Variants in PIP5K1B observed in about 807,000 individuals in gnomAD.
PIP5K1B encodes the protein phosphatidylinositol-4-phosphate 5-kinase type 1 beta.
PIP5K1B carries 42 observed loss-of-function variants against 67.0 expected under a neutral mutation model. That is an observed-to-expected ratio of 0.63 (90% CI 0.49 to 0.81). The LOEUF (loss-of-function observed/expected upper bound fraction) is 0.81. PIP5K1B is among the 30% of genes least tolerant of loss of function. PIP5K1B has a pLI of 0.00. For missense variants in PIP5K1B, 459 were observed against 646.3 expected, an observed-to-expected ratio of 0.71 and a Z score of 3.14; for synonymous variants, 214 against 231.4, an observed-to-expected ratio of 0.92 and a Z score of 0.68.
At chr9:68,965,092 C>A (rs149437062) in intron 14 of PIP5K1B, among the ~76,000 whole-genome samples, 1 of 152,194 alleles carries the variant, frequency 6.6e-6, no homozygotes, top group Non-Finnish European at 1.5e-5. Context: ...TAGAAGCTTT[C>A]GAATTAGAAT....
intron 14 of PIP5K1B, among the ~76,000 whole-genome samples, chr9:68,966,021 G>A (rs1175125050): frequency 6.6e-6 from 1 of 151,528 alleles, no homozygotes; most frequent in Non-Finnish European, 1.5e-5. Context: ...ACAAAACAGT[G>A]GGGGTGTGTC....
intron 4 of PIP5K1B, among the ~76,000 whole-genome samples, chr9:68,861,103 A>G (rs1823041776): frequency 1.3e-5 from 2 of 152,238 alleles, no homozygotes; most frequent in South Asian, 2.1e-4. Context: ...TTAGTTGGTC[A>G]AAAAAGATTA....
chr9:68,820,126 A>G (rs992990257), intron 3 of PIP5K1B, among the ~76,000 whole-genome samples: 2 of 152,170 alleles, frequency 1.3e-5, no homozygotes, highest in African/African-American at 4.8e-5. Context: ...AAAGCTGCAA[A>G]GTCTTAAAAG....
chr9:68,981,906 C>G (rs1829897815), intron 14 of PIP5K1B, among the ~76,000 whole-genome samples: 1 of 152,236 alleles, frequency 6.6e-6, no homozygotes, highest in African/African-American at 2.4e-5. Flanking sequence ...CTGTACTGCT[C>G]TCACCTGTGA....
chr9:68,742,465 T>C (rs936620220), intron 1 of PIP5K1B, 36 bp from the exon 2 acceptor site: 21 of 152,172 alleles, frequency 1.4e-4, no homozygotes, highest in African/African-American at 4.3e-4. Context: ...TTCACCATGA[T>C]TGTTTGAGGT....
Position 68,745,364 on chromosome 9 carries a change from G to T in PIP5K1B, c.-86+2707G>T, listed in dbSNP as rs114926107. 6.3e-3 allele frequency among the ~76,000 whole-genome samples: 952 copies of T among 152,306 alleles called. 10 individuals carry two copies. The highest frequency in any genetic ancestry group is 0.022 in the African/African-American group (926 of 41,548). The stretch of plus-strand genomic sequence containing the variant: ...ACTTGTAGCCACACCGTAGGTAAGA[G>T]GTTTAAGACCAGTGAAAAAGGTTTT... On this transcript the variant is annotated intron_variant, in intron 2 of 15. Transcript: ENST00000265382.
chr9:68,722,024 T>C (rs1039893323), intron 1 of PIP5K1B, among the ~76,000 whole-genome samples: 8 of 152,086 alleles, frequency 5.3e-5, no homozygotes, highest in Non-Finnish European at 8.8e-5. Flanking sequence ...TAGAAGTGAT[T>C]TCTCAGGCAC....
At chr9:68,891,446 T>C (rs75278381) in intron 7 of PIP5K1B, among the ~76,000 whole-genome samples, 2,119 of 151,950 alleles carry the variant, frequency 0.014, 24 homozygotes, top group Non-Finnish European at 0.02. Context: ...AGGGGAGTTT[T>C]TTTTTTTTTA....
chr9:68,940,386 G>A (rs1416791203), intron 13 of PIP5K1B, among the ~76,000 whole-genome samples: 1 of 151,966 alleles, frequency 6.6e-6, no homozygotes, highest in East Asian at 1.9e-4. Context: ...CACTTTATTA[G>A]GTTTTTAAAA....
chr9:68,904,216 G>C (rs780833572), intron 8 of PIP5K1B, among the ~76,000 whole-genome samples: 1 of 152,222 alleles, frequency 6.6e-6, no homozygotes, highest in Non-Finnish European at 1.5e-5. Context: ...TAAGGAGCTT[G>C]TGTGTAATGG....
intron 2 of PIP5K1B, among the ~76,000 whole-genome samples, chr9:68,761,498 G>A (rs952047568): frequency 1.3e-5 from 2 of 152,116 alleles, no homozygotes; most frequent in Admixed American, 6.6e-5. Context: ...CAATGCAAAT[G>A]TATTATCTCA....
intron 1 of PIP5K1B, among the ~76,000 whole-genome samples, chr9:68,730,136 G>A (rs1587353683): frequency 6.6e-6 from 1 of 152,174 alleles, no homozygotes; most frequent in South Asian, 2.1e-4. Flanking sequence ...CTGTTTATAA[G>A]CAAGTACACT....
chr9:68,737,262 G>A (rs1368000866), intron 1 of PIP5K1B, among the ~76,000 whole-genome samples: 1 of 152,124 alleles, frequency 6.6e-6, no homozygotes, highest in Non-Finnish European at 1.5e-5. Flanking sequence ...TTCCTTGCTG[G>A]CTAGGTTGAA....
At chr9:68,757,441 C>T (rs1183416493) in intron 2 of PIP5K1B, among the ~76,000 whole-genome samples, 3 of 151,900 alleles carry the variant, frequency 2.0e-5, no homozygotes, top group East Asian at 3.9e-4. Context: ...TCTGGTTTAT[C>T]GTGACTGAAG....
chr9:68,817,338 A>G (rs952328944), intron 2 of PIP5K1B, among the ~76,000 whole-genome samples: 1 of 152,210 alleles, frequency 6.6e-6, no homozygotes, highest in African/African-American at 2.4e-5. Context: ...CAAATAGTTA[A>G]CATGCTTATT....
intron 14 of PIP5K1B, among the ~76,000 whole-genome samples, chr9:68,976,219 G>A (rs1481836721): frequency 1.3e-5 from 2 of 152,222 alleles, no homozygotes; most frequent in Admixed American, 1.3e-4. Flanking sequence ...CCTGTTCACT[G>A]TGTCTTAAAC....
chr9:68,769,709 C>T lies in PIP5K1B; in HGVS notation c.-86+27052C>T, dbSNP rs765598959. Reference sequence around the variant, plus strand: ...ATTTGTCTTTCCTTTTTTGTATCATCGGTATTTTTCTTACCTCTAGTTATT... The same window carrying T: ...ATTTGTCTTTCCTTTTTTGTATCATTGGTATTTTTCTTACCTCTAGTTATT... On this transcript the variant is annotated intron_variant, in intron 2 of 15. Transcript: ENST00000265382. Among the ~76,000 whole-genome samples, 6 of 152,008 alleles carry T rather than the reference C, an allele frequency of 3.9e-5. No homozygotes were observed. In the South Asian group the frequency reaches 1.0e-3, roughly 26 times the overall value.
chr9:68,716,615 G>A lies in PIP5K1B; in HGVS notation c.-243+10853G>A, dbSNP rs139586803. Among the ~76,000 whole-genome samples the A allele has an allele frequency of 4.3e-3, 657 of 152,258 alleles. 4 individuals are homozygous for A. Among genetic ancestry groups the A allele is most frequent in the African/African-American group, 0.015 (625 of 41,532 alleles). On this transcript the variant is annotated intron_variant, in intron 1 of 15. Transcript: ENST00000265382. ...TGGCAAGGTTCAGAGAAAAGGGAGCGCTTATGCACGATTGCTTGGTTTGCA... is the reference window on the plus strand; with the variant it reads ...TGGCAAGGTTCAGAGAAAAGGGAGCACTTATGCACGATTGCTTGGTTTGCA...
intron 14 of PIP5K1B, among the ~76,000 whole-genome samples, chr9:68,985,513 A>G (rs1830063568): frequency 1.3e-5 from 2 of 152,172 alleles, no homozygotes; most frequent in Admixed American, 6.5e-5. Flanking sequence ...CGGCCTCCCA[A>G]AGTGCTGGGA....
Sources: allele counts gnomAD v4.1 joint callset (sites outside exome capture counted in the v4.1 genomes callset), GRCh38; gene constraint gnomAD v4.1.1; transcripts MANE v1.5; gene names NCBI Gene and HGNC (gene_info 2026-07-23, HGNC 2026-07-21).